SH3GL2: variants seen among roughly 807,000 people sequenced by gnomAD.
The protein encoded by SH3GL2 is SH3 domain containing GRB2 like 2, endophilin A1.
Under a neutral mutation model 46.0 loss-of-function variants are expected in SH3GL2, and 24 were observed. The ratio of observed to expected loss-of-function variants is 0.52; its 90% CI spans 0.38 to 0.73. The LOEUF is 0.73. Ranked by LOEUF, SH3GL2 falls within the 30% of genes least tolerant of loss-of-function variation. SH3GL2 has a pLI of 0.00. For synonymous variants in SH3GL2, 196 were observed against 147.1 expected (o/e 1.33, Z -2.40); for missense variants, 413 against 424.2 (o/e 0.97, Z 0.23).
chr9:17,579,547 C>A lies in SH3GL2; in HGVS notation c.45+260C>A, dbSNP rs554893537. 7.0e-3 allele frequency among the ~76,000 whole-genome samples: 1,062 copies of A among 152,244 alleles called. 4 individuals carry two copies. The highest frequency in any genetic ancestry group is 0.027 in the Middle Eastern group (8 of 292). On this transcript the variant is annotated intron_variant, in intron 1 of 8. Coordinates refer to ENST00000380607, the MANE Select transcript of SH3GL2 (RefSeq NM_003026.5). Reference sequence around the variant, plus strand: ...TCCTGCCTGGTAGCGCTGCTCGCCGCCCCCGCATCATCTCGCGCCCGTGCT... The same window carrying A: ...TCCTGCCTGGTAGCGCTGCTCGCCGACCCCGCATCATCTCGCGCCCGTGCT...
chr9:17,588,895 ATGG>A (rs1249684357), intron 1 of SH3GL2, among the ~76,000 whole-genome samples: 3 of 152,224 alleles, frequency 2.0e-5, no homozygotes, highest in Non-Finnish European at 4.4e-5. Flanking sequence ...AACTTGTAAC[ATGG>A]CCCCTCTGTG....
intron 1 of SH3GL2, among the ~76,000 whole-genome samples, chr9:17,726,830 G>A (rs1359795042): frequency 1.3e-5 from 2 of 152,130 alleles, no homozygotes; most frequent in East Asian, 3.9e-4. Context: ...TGGAGAAACA[G>A]AAATTTTGGT....
At chr9:17,700,141 C>A (rs141535434) in intron 1 of SH3GL2, among the ~76,000 whole-genome samples, 5 of 152,140 alleles carry the variant, frequency 3.3e-5, no homozygotes, top group African/African-American at 1.2e-4. Flanking sequence ...ACTTGGGTTC[C>A]TCTGGTATTC....
intron 2 of SH3GL2, among the ~76,000 whole-genome samples, chr9:17,756,671 C>T (rs1050608396): frequency 9.2e-5 from 14 of 152,018 alleles, no homozygotes; most frequent in African/African-American, 3.1e-4. Flanking sequence ...TTTTTTATGG[C>T]TGCATAGTAT....
intron 1 of SH3GL2, among the ~76,000 whole-genome samples, chr9:17,649,143 C>T (rs1039792064): frequency 6.6e-5 from 10 of 152,192 alleles, no homozygotes; most frequent in African/African-American, 2.2e-4. Context: ...CCCTGTCACC[C>T]ACAGTGGACA....
chr9:17,762,320 T>C (rs181774782), intron 3 of SH3GL2, among the ~76,000 whole-genome samples: 43 of 152,026 alleles, frequency 2.8e-4, no homozygotes, highest in African/African-American at 1.0e-3. Context: ...CCGTGTATTT[T>C]ATGGTCCTAG....
intron 1 of SH3GL2, among the ~76,000 whole-genome samples, chr9:17,711,777 CT>C (rs1356974342): frequency 2.0e-5 from 3 of 151,714 alleles, no homozygotes. Context: ...TATGAATATT[CT>C]TGTACAAGAC....
At chr9:17,645,481 A>G (rs370456658) in intron 1 of SH3GL2, among the ~76,000 whole-genome samples, 22 of 152,002 alleles carry the variant, frequency 1.4e-4, no homozygotes, top group African/African-American at 4.6e-4. Context: ...GTTCTTTACA[A>G]TTTTGTTTGT....
At chr9:17,688,530 T>C (rs1362413203) in intron 1 of SH3GL2, among the ~76,000 whole-genome samples, 1 of 151,914 alleles carries the variant, frequency 6.6e-6, no homozygotes, top group Non-Finnish European at 1.5e-5. Context: ...TGGTTTCCAA[T>C]ACCATCCTTC....
intron 3 of SH3GL2, among the ~76,000 whole-genome samples, chr9:17,780,625 C>T (rs1338868956): frequency 8.7e-6 from 1 of 114,368 alleles, no homozygotes; most frequent in Non-Finnish European, 1.8e-5. Flanking sequence ...TGCTATCCCT[C>T]CCCCCTCCCC....
intron 1 of SH3GL2, among the ~76,000 whole-genome samples, chr9:17,744,122 T>C (rs1352393614): frequency 6.6e-6 from 1 of 152,172 alleles, no homozygotes; most frequent in Non-Finnish European, 1.5e-5. Flanking sequence ...TGTGTGGGAA[T>C]TCAGCTAGAT....
intron 1 of SH3GL2, among the ~76,000 whole-genome samples, chr9:17,656,424 T>C (rs1188992554): frequency 6.6e-6 from 1 of 152,100 alleles, no homozygotes; most frequent in African/African-American, 2.4e-5. Flanking sequence ...GAGAGTTCCA[T>C]AATTGAAAAA....
chr9:17,701,943 G>A (rs1194811645), intron 1 of SH3GL2, among the ~76,000 whole-genome samples: 3 of 151,892 alleles, frequency 2.0e-5, no homozygotes, highest in Admixed American at 1.3e-4. Flanking sequence ...AGTAAGATAA[G>A]CCTATTATAA....
intron 1 of SH3GL2, among the ~76,000 whole-genome samples, chr9:17,731,834 C>T (rs1353028991): frequency 6.6e-6 from 1 of 152,108 alleles, no homozygotes. Flanking sequence ...GTGCTGGTCT[C>T]TTGGAGGAGC....
At chr9:17,761,304 G>A in intron 2 of SH3GL2, 133 bp from the exon 3 acceptor site, 2 of 664,740 alleles carry the variant, frequency 3.0e-6, no homozygotes, top group Non-Finnish European at 5.5e-6. Context: ...CCGCGTCTCA[G>A]CCTCCCTCAC....
chr9:17,730,404 G>A (rs1822142898), intron 1 of SH3GL2, among the ~76,000 whole-genome samples: 1 of 152,048 alleles, frequency 6.6e-6, no homozygotes, highest in African/African-American at 2.4e-5. Flanking sequence ...TCGTTTGCAG[G>A]CAGAGACAGT....
chr9:17,697,839 C>T (rs1037301980), intron 1 of SH3GL2, among the ~76,000 whole-genome samples: 6 of 152,114 alleles, frequency 3.9e-5, no homozygotes, highest in Non-Finnish European at 8.8e-5. Context: ...GCCTGTGTTG[C>T]GCCTACTAAA....
chr9:17,638,940 C>G (rs1334565695), intron 1 of SH3GL2, among the ~76,000 whole-genome samples: 1 of 152,172 alleles, frequency 6.6e-6, no homozygotes. Context: ...TGTTGGATCC[C>G]ATATGTAAAA....
intron 1 of SH3GL2, among the ~76,000 whole-genome samples, chr9:17,666,031 T>C (rs1820333180): frequency 1.3e-5 from 2 of 151,554 alleles, no homozygotes; most frequent in South Asian, 2.1e-4. Context: ...TTATTCTTAA[T>C]ATACCTACTT....
Sources: allele counts gnomAD v4.1 joint callset (sites outside exome capture counted in the v4.1 genomes callset), GRCh38; gene constraint gnomAD v4.1.1; transcripts MANE v1.5; gene names NCBI Gene and HGNC (gene_info 2026-07-23, HGNC 2026-07-21).